GATA6: variants seen among roughly 807,000 people sequenced by gnomAD.
GATA6 encodes GATA binding protein 6.
In GATA6, 11 loss-of-function variants were observed where a neutral mutation model predicts 48.1. The ratio of observed to expected loss-of-function variants is 0.23; its 90% CI spans 0.14 to 0.38. GATA6 has a LOEUF of 0.38. GATA6 is among the 10% of genes least tolerant of loss of function. The probability of loss-of-function intolerance (pLI) is 1.00; values close to 1 mark genes in which losing one functional copy is unlikely to be tolerated. For missense variants in GATA6, 795 were observed against 850.3 expected (o/e 0.93, Z 0.81); for synonymous variants, 419 against 396.1 (o/e 1.06, Z -0.69).
At chr18:22,187,823 A>G (rs1172748958) in intron 6 of GATA6, among the ~76,000 whole-genome samples, 1 of 152,010 alleles carries the variant, frequency 6.6e-6, no homozygotes, top group Non-Finnish European at 1.5e-5. Flanking sequence ...ATTAGCAATA[A>G]TATCTGAAAA....
chr18:22,192,146 A>C (rs2033334296), intron 6 of GATA6, among the ~76,000 whole-genome samples: 1 of 152,238 alleles, frequency 6.6e-6, no homozygotes. Flanking sequence ...TCCAGCAGCC[A>C]GGCGCTAGCT....
At position 22,200,876 on chromosome 18, in the gene GATA6, G is replaced by C. The variant is rs2033454030; in HGVS notation, c.*53G>C. ...CTCCGCCGCGGGCCTCACTCCACTC[G>C]TGTCTGCTTTTGTGCAGCGGTCCAG... On this transcript the variant is annotated 3_prime_UTR_variant, in exon 7 of 7. Coordinates refer to ENST00000269216, the MANE Select transcript of GATA6 (RefSeq NM_005257.6). 1 of 1,553,868 alleles carries C rather than the reference G, an allele frequency of 6.4e-7. No individual in the cohort carries two copies. The highest frequency in any genetic ancestry group is 8.7e-7 in the Non-Finnish European group (1 of 1,145,306).
chr18:22,199,413 G>T (rs920624204), intron 6 of GATA6, among the ~76,000 whole-genome samples: 1 of 152,180 alleles, frequency 6.6e-6, no homozygotes, highest in Non-Finnish European at 1.5e-5. Context: ...AAGGAAAAAG[G>T]TGATTTTAAA....
chr18:22,172,285 G>C lies in GATA6; in HGVS notation c.1135+6G>C. The C allele has an allele frequency of 6.5e-7, 1 of 1,531,558 alleles. No individual in the cohort carries two copies. The highest frequency in any genetic ancestry group is 8.7e-7 in the Non-Finnish European group (1 of 1,145,152). The allele number at this position is 1,531,558 out of a possible 1,614,324, so 94.9% of individuals were successfully genotyped here. On this transcript the variant is annotated splice_donor_region_variant and intron_variant, in intron 2 of 6. Coordinates refer to ENST00000269216, the MANE Select transcript of GATA6 (RefSeq NM_005257.6). The surrounding 1 kb of genome is among the most constrained non-coding windows in gnomAD (Gnocchi z 5.2). Reference sequence around the variant, plus strand: ...GCCCCGGGGTCCCAGTGCAGGTAAGGGTCGCGCCTCAGGTTCGGGGTGCGG... The same window carrying C: ...GCCCCGGGGTCCCAGTGCAGGTAAGCGTCGCGCCTCAGGTTCGGGGTGCGG...
Position 22,170,803 on chromosome 18 carries a change from G to T in GATA6, c.-37-305G>T, listed in dbSNP as rs1314713379. On this transcript the variant is annotated intron_variant, in intron 1 of 6. Coordinates refer to ENST00000269216, the MANE Select transcript of GATA6 (RefSeq NM_005257.6). This position sits in a 1 kb window ranked among gnomAD's most constrained non-coding sequence, Gnocchi z 6.7. ...CACCCCTGGGATCTGGCGCGCGCAC[G>T]GAGAAAGGATGCGGCCGAGGGGGTG... 2.4e-6 allele frequency: 1 copy of T among 409,078 alleles called. No individual in the cohort carries two copies. Among genetic ancestry groups the T allele is most frequent in the South Asian group, 3.0e-5 (1 of 33,124 alleles). The allele number at this position is 409,078 out of a possible 1,614,324, so 25.3% of individuals were successfully genotyped here. A position where few individuals can be genotyped will look rare whatever the true frequency, so the allele number is the denominator to read the frequency against.
At chr18:22,187,122 T>G (rs1291939632) in intron 6 of GATA6, among the ~76,000 whole-genome samples, 1 of 152,266 alleles carries the variant, frequency 6.6e-6, no homozygotes, top group Non-Finnish European at 1.5e-5. Flanking sequence ...TCTTTCTGGC[T>G]AAGAATTTTC....
chr18:22,198,661 T>A (rs1422185488), intron 6 of GATA6, among the ~76,000 whole-genome samples: 2 of 152,224 alleles, frequency 1.3e-5, no homozygotes, highest in East Asian at 1.9e-4. Context: ...TTGAATATCA[T>A]CCTTTTGCTT....
intron 2 of GATA6, among the ~76,000 whole-genome samples, chr18:22,173,515 T>G (rs2033082685): frequency 6.6e-6 from 1 of 152,114 alleles, no homozygotes; most frequent in African/African-American, 2.4e-5. Flanking sequence ...CCAGGATTCC[T>G]TAGGATAAAA....
At position 22,192,503 on chromosome 18, in the gene GATA6, A is replaced by T. The variant is rs73962499; in HGVS notation, c.1621-8153A>T. ...GAGATTTGTATTTCACTGATAGCAA[A>T]TTTTTTATTCCTTCTGATACTTAGT... On this transcript the variant is annotated intron_variant, in intron 6 of 6. Coordinates refer to ENST00000269216, the MANE Select transcript of GATA6 (RefSeq NM_005257.6). 2.7e-3 allele frequency among the ~76,000 whole-genome samples: 412 copies of T among 152,256 alleles called. 1 individual carries two copies. The highest frequency in any genetic ancestry group is 9.5e-3 in the African/African-American group (394 of 41,554).
chr18:22,186,447 G>A (rs574985030), intron 6 of GATA6, among the ~76,000 whole-genome samples: 3 of 152,324 alleles, frequency 2.0e-5, no homozygotes, highest in African/African-American at 7.2e-5. Context: ...AAAATCAGTT[G>A]TAGGAGATCA....
intron 6 of GATA6, among the ~76,000 whole-genome samples, chr18:22,200,176 AGT>A (rs59255780): frequency 0.039 from 5,911 of 150,334 alleles, 152 homozygotes; most frequent in Middle Eastern, 0.093. Flanking sequence ...GCCTTGTTAG[AGT>A]GTGTGTGTGT....
intron 2 of GATA6, among the ~76,000 whole-genome samples, chr18:22,175,866 A>G (rs1425323886): frequency 6.6e-6 from 1 of 152,210 alleles, no homozygotes; most frequent in Non-Finnish European, 1.5e-5. Flanking sequence ...ATGCTTCTTC[A>G]ATAATGCAGA....
In GATA6 at chr18:22,170,988, C is replaced by T. The variant is rs1393047178; in HGVS notation, c.-37-120C>T. ...ATCTTTGAGAAGTCTCAAATGGGAT[C>T]TTTGAGAAGTCAGATCCCATTTGAA... On this transcript the variant is annotated intron_variant, in intron 1 of 6. Transcript: ENST00000269216. The surrounding 1 kb of genome is among the most constrained non-coding windows in gnomAD (Gnocchi z 6.7). The T allele has an allele frequency of 1.5e-6, 1 of 673,664 alleles. No homozygotes were observed. The highest frequency in any genetic ancestry group is 2.6e-6 in the Non-Finnish European group (1 of 379,974). The allele number at this position is 673,664 out of a possible 1,614,324, so 41.7% of individuals were successfully genotyped here.
chr18:22,200,718 G>GTAT lies in GATA6; in HGVS notation c.1685_1687dup (p.Tyr562dup), dbSNP rs1178761055. ...CCAATCCCGAGAACAGCGAGCTCAA[G>GTAT]TATTCGGGTCAAGATGGGCTCTACA... On this transcript the variant is annotated inframe_insertion, in exon 7 of 7. Coordinates refer to ENST00000269216, the MANE Select transcript of GATA6 (RefSeq NM_005257.6). The GTAT allele has an allele frequency of 6.2e-7, 1 of 1,614,246 alleles. No homozygotes were observed. The highest frequency in any genetic ancestry group is 8.5e-7 in the Non-Finnish European group (1 of 1,180,048).
chr18:22,179,409 G>A (rs1186292698), intron 3 of GATA6, among the ~76,000 whole-genome samples: 1 of 152,226 alleles, frequency 6.6e-6, no homozygotes, highest in Non-Finnish European at 1.5e-5. Context: ...GAGATCACTT[G>A]TTACAAGGAA....
chr18:22,171,171 C>T lies in GATA6; in HGVS notation c.27C>T (p.Cys9=), dbSNP rs1473236605. 6.3e-7 allele frequency: 1 copy of T among 1,599,930 alleles called. No homozygotes were observed. The highest frequency in any genetic ancestry group is 1.1e-5 in the South Asian group (1 of 90,972). ...TGGCCTTGACTGACGGCGGCTGGTG[C>T]TTGCCGAAGCGCTTCGGGGCCGCGG... MALTDGGW[C]LPKRFGAAGA... Residue 9 remains cysteine, a synonymous_variant, in exon 2 of 7, where the codon TGC becomes TGT. Transcript: ENST00000269216. The surrounding 1 kb of genome is among the most constrained non-coding windows in gnomAD (Gnocchi z 7.1).
At chr18:22,193,127 A>C (rs1051482697) in intron 6 of GATA6, among the ~76,000 whole-genome samples, 6 of 152,192 alleles carry the variant, frequency 3.9e-5, no homozygotes, top group African/African-American at 1.4e-4. Flanking sequence ...ATACAAAACT[A>C]TTCTGCTGAA....
At chr18:22,189,367 T>G (rs1037287043) in intron 6 of GATA6, among the ~76,000 whole-genome samples, 3 of 152,242 alleles carry the variant, frequency 2.0e-5, no homozygotes, top group African/African-American at 4.8e-5. Context: ...TTGCATCCTG[T>G]GGTGGAAATA....
rs566807472 is a variant in GATA6, at chr18:22,182,759, G to C, written c.1431G>C (p.Val477=). 1 of 1,612,994 alleles carries C rather than the reference G, an allele frequency of 6.2e-7. No individual in the cohort carries two copies. Among genetic ancestry groups the C allele is most frequent in the African/African-American group, 1.3e-5 (1 of 74,960 alleles). The change falls in exon 5 of 7, where the codon GTG becomes GTC. Residue 477 remains valine (V), a splice_region_variant and synonymous_variant. Transcript: ENST00000269216. The part of the protein sequence containing the change: ...ACGLYMKLHG[V]PRPLAMKKEG... ...TGGCCTATGTGAAAATTTTTTAGGT[G>C]CCCAGACCACTTGCTATGAAAAAAG...
Sources: gnomAD v4.1 joint callset for allele counts (sites outside exome capture counted in the v4.1 genomes callset) on GRCh38, gnomAD v4.1.1 for gene constraint, Gnocchi (gnomAD v3.1) non-coding constraint, MANE v1.5 for transcripts, NCBI Gene and HGNC (gene_info 2026-07-23, HGNC 2026-07-21) for gene names.